The following GATAD1 variants were observed in gnomAD, a reference collection of about 807,000 sequenced individuals.
GATAD1 encodes the protein GATA zinc finger domain-containing protein 1.
In GATAD1, 12 loss-of-function variants were observed where a neutral mutation model predicts 26.5. That is an observed-to-expected ratio of 0.45 (90% CI 0.29 to 0.73). The LOEUF is 0.73. Ranked by LOEUF, GATAD1 falls within the 30% of genes least tolerant of loss-of-function variation. The pLI is 0.10. For synonymous variants in GATAD1, 129 were observed against 133.1 expected (o/e 0.97, Z 0.21); for missense variants, 266 against 342.1 (o/e 0.78, Z 1.75).
rs1789300904 is a variant in GATAD1, at chr7:92,449,001, A to G, written c.375+124A>G. The G allele has an allele frequency of 7.0e-6, 8 of 1,139,868 alleles. No homozygotes were observed. In the Admixed American group the frequency reaches 1.6e-4, roughly 22 times the overall value. 70.6% of individuals were successfully genotyped at this position (1,139,868 alleles called of 1,614,324 possible). ...TAGCCCTTCCTTAGTATTCTGGGGA[A>G]TGGTCCAGATTCCCCAAAAGGGAAT... is the stretch of plus-strand genomic sequence containing the variant. On this transcript the variant is annotated intron_variant, in intron 2 of 4. Transcript: ENST00000287957.
At chr7:92,460,824 A>G (rs1208346592), downstream of GATAD1, among the ~76,000 whole-genome samples, 4 of 151,818 alleles carry the variant, frequency 2.6e-5, no homozygotes, top group Non-Finnish European at 5.9e-5. Context: ...CAGAATTTTA[A>G]CATGTCAACA....
At chr7:92,475,195 C>T in the GATAD1 span, 1 of 152,160 alleles carries the variant, frequency 6.6e-6, no homozygotes, top group Non-Finnish European at 1.5e-5. Flanking sequence ...TGCCAGGCGG[C>T]ACTGCAGAAG....
chr7:92,447,681 C>A lies in GATAD1; in HGVS notation c.-49C>A. 1 of 1,388,676 alleles carries A rather than the reference C, an allele frequency of 7.2e-7. No homozygotes were observed. Among genetic ancestry groups the A allele is most frequent in the South Asian group, 1.6e-5 (1 of 63,268 alleles). 86.0% of individuals were successfully genotyped at this position (1,388,676 alleles called of 1,614,324 possible). A position where few individuals can be genotyped will look rare whatever the true frequency, so the allele number is the denominator to read the frequency against. Reference sequence around the variant, plus strand: ...ACCAGGGGGCGGCCGGGCTACCGTCCGCCATTCCCGTGTCTCTGCGCCCGC... The same window carrying A: ...ACCAGGGGGCGGCCGGGCTACCGTCAGCCATTCCCGTGTCTCTGCGCCCGC... On this transcript the variant is annotated 5_prime_UTR_variant, in exon 1 of 5. Coordinates refer to ENST00000287957, the MANE Select transcript of GATAD1 (RefSeq NM_021167.5).
chr7:92,492,866 A>G, the GATAD1 span: 1 of 1,039,632 alleles, frequency 9.6e-7, no homozygotes, highest in South Asian at 1.3e-5. Context: ...GTTGTTTAAA[A>G]AATAGCATTT....
the GATAD1 span, among the ~76,000 whole-genome samples, chr7:92,478,821 C>T: frequency 3.3e-5 from 5 of 152,218 alleles, no homozygotes; most frequent in Non-Finnish European, 4.4e-5. Context: ...ACATGGCCAC[C>T]ATGGCGATTC....
At chr7:92,489,524 C>T in the GATAD1 span, 1 of 1,118,418 alleles carries the variant, frequency 8.9e-7, no homozygotes, top group Non-Finnish European at 1.3e-6. Flanking sequence ...TTCAAGAGAC[C>T]ATACGTTCTC....
the GATAD1 span, chr7:92,470,168 A>C: frequency 2.6e-6 from 2 of 778,706 alleles, no homozygotes; most frequent in Non-Finnish European, 4.8e-6. Flanking sequence ...GAGTGATAGC[A>C]GTTGCGGGGC....
the GATAD1 span, among the ~76,000 whole-genome samples, chr7:92,484,822 C>T: frequency 6.6e-6 from 1 of 152,140 alleles, no homozygotes; most frequent in Non-Finnish European, 1.5e-5. Context: ...GTCCTCCTAT[C>T]CCAGGTTTTG....
chr7:92,494,554 A>T, the GATAD1 span: 1 of 1,613,914 alleles, frequency 6.2e-7, no homozygotes, highest in Non-Finnish European at 8.5e-7. Context: ...TAACTCCTGT[A>T]TTATCATGAC....
intron 4 of GATAD1, among the ~76,000 whole-genome samples, chr7:92,455,486 G>A (rs1465949847): frequency 1.3e-5 from 2 of 152,198 alleles, no homozygotes; most frequent in Non-Finnish European, 2.9e-5. Context: ...TATAAAGGCT[G>A]ATAGTTGAAA....
chr7:92,479,492 T>C, the GATAD1 span, among the ~76,000 whole-genome samples: 2 of 152,228 alleles, frequency 1.3e-5, no homozygotes, highest in South Asian at 2.1e-4. Flanking sequence ...ACAGGCCATT[T>C]TCACTTCTTT....
Position 92,447,637 on chromosome 7 carries a change from C to A in GATAD1, c.-93C>A, listed in dbSNP as rs372383180. 18 of 1,317,634 alleles carry A rather than the reference C, an allele frequency of 1.4e-5. No individual in the cohort carries two copies. The East Asian group carries it at 3.3e-4, about 24-fold the overall frequency. The allele number at this position is 1,317,634 out of a possible 1,614,324, so 81.6% of individuals were successfully genotyped here. A position where few individuals can be genotyped will look rare whatever the true frequency, so the allele number is the denominator to read the frequency against. ...CCGACGCTCTCACCGCTCTTCCTAT[C>A]GCCGGGAGTGGCGGGCCGACCAGGG... On this transcript the variant is annotated 5_prime_UTR_variant, in exon 1 of 5. Coordinates refer to ENST00000287957, the MANE Select transcript of GATAD1 (RefSeq NM_021167.5).
chr7:92,494,590 T>C, the GATAD1 span: 2 of 1,614,044 alleles, frequency 1.2e-6, no homozygotes, highest in South Asian at 1.1e-5. Flanking sequence ...TGGATTCAAA[T>C]TCATCAAAGA....
the GATAD1 span, among the ~76,000 whole-genome samples, chr7:92,467,243 C>T: frequency 1.3e-5 from 2 of 151,896 alleles, no homozygotes; most frequent in Non-Finnish European, 1.5e-5. Context: ...CACTTGAACC[C>T]GGAGGCGGAG....
At chr7:92,471,011 C>G in the GATAD1 span, 1 of 167,062 alleles carries the variant, frequency 6.0e-6, no homozygotes, top group African/African-American at 2.4e-5. Context: ...GTATACCTAA[C>G]GCCTGGGATA....
chr7:92,475,909 GTACTT>G, the GATAD1 span, among the ~76,000 whole-genome samples: 7 of 152,342 alleles, frequency 4.6e-5, no homozygotes, highest in East Asian at 1.4e-3. Context: ...GATTCTGTAA[GTACTT>G]TAAGGCTTGG....
the GATAD1 span, chr7:92,490,029 A>G: frequency 3.7e-6 from 3 of 804,700 alleles, no homozygotes; most frequent in Non-Finnish European, 4.1e-6. Context: ...ATAGATAAGT[A>G]TACATGTTAA....
At chr7:92,466,332 AT>A in the GATAD1 span, among the ~76,000 whole-genome samples, 2 of 150,752 alleles carry the variant, frequency 1.3e-5, no homozygotes, top group Non-Finnish European at 3.0e-5. Flanking sequence ...ATGCCCAGCT[AT>A]TTTTTTTTAA....
At chr7:92,476,037 C>T in the GATAD1 span, among the ~76,000 whole-genome samples, 3 of 152,074 alleles carry the variant, frequency 2.0e-5, no homozygotes, top group Admixed American at 2.0e-4. Context: ...TGGTTTTTTT[C>T]CTCAATCACC....
Sources: allele counts gnomAD v4.1 joint callset (sites outside exome capture counted in the v4.1 genomes callset), GRCh38; gene constraint gnomAD v4.1.1; transcripts MANE v1.5; gene names NCBI Gene and HGNC (gene_info 2026-07-23, HGNC 2026-07-21).